MAML2: variants seen among roughly 807,000 people sequenced by gnomAD.
MAML2 encodes the protein mastermind like transcriptional coactivator 2.
MAML2 carries 22 observed loss-of-function variants against 96.1 expected under a neutral mutation model. That is an observed-to-expected ratio of 0.23 (90% CI 0.16 to 0.33). The LOEUF is 0.33. MAML2 is among the 10% of genes least tolerant of loss of function. MAML2 has a pLI of 1.00. For synonymous variants in MAML2, 561 were observed against 521.3 expected (o/e 1.08, Z -1.04); for missense variants, 1,367 against 1,392.4 (o/e 0.98, Z 0.29).
At chr11:96,019,569 C>T (rs1261614301) in intron 2 of MAML2, among the ~76,000 whole-genome samples, 1 of 151,838 alleles carries the variant, frequency 6.6e-6, no homozygotes. Context: ...TGAGATATAA[C>T]TCCTGGCATA....
intron 2 of MAML2, among the ~76,000 whole-genome samples, chr11:96,004,515 T>G (rs564358396): frequency 3.3e-5 from 5 of 152,300 alleles, no homozygotes; most frequent in African/African-American, 1.2e-4. Flanking sequence ...AGACTACTTT[T>G]GGCTGCTTGT....
intron 1 of MAML2, among the ~76,000 whole-genome samples, chr11:96,184,056 C>G (rs900927666): frequency 1.3e-5 from 2 of 152,166 alleles, no homozygotes; most frequent in African/African-American, 4.8e-5. Flanking sequence ...ATTATGCACT[C>G]AGTTCTGTCC....
intron 1 of MAML2, among the ~76,000 whole-genome samples, chr11:96,301,950 C>G (rs1412911165): frequency 6.6e-6 from 1 of 152,188 alleles, no homozygotes; most frequent in African/African-American, 2.4e-5. Flanking sequence ...GCTATTGCGA[C>G]CTTATTCTCT....
intron 1 of MAML2, among the ~76,000 whole-genome samples, chr11:96,191,309 C>A (rs879292970): frequency 5.3e-5 from 8 of 150,604 alleles, no homozygotes; most frequent in Admixed American, 4.0e-4. Context: ...ACTAAAAATA[C>A]AAAAATTAGC....
chr11:96,231,652 A>G (rs1036907421), intron 1 of MAML2, among the ~76,000 whole-genome samples: 1 of 152,192 alleles, frequency 6.6e-6, no homozygotes, highest in Admixed American at 6.5e-5. Context: ...AAACAAATGT[A>G]TGAGTTGGAA....
chr11:96,147,729 A>G (rs1391210644), intron 1 of MAML2, among the ~76,000 whole-genome samples: 1 of 152,252 alleles, frequency 6.6e-6, no homozygotes, highest in Non-Finnish European at 1.5e-5. Context: ...ACTGGTTATA[A>G]GGAAAGGAAA....
At chr11:96,183,045 C>T (rs1184513571) in intron 1 of MAML2, among the ~76,000 whole-genome samples, 2 of 150,748 alleles carry the variant, frequency 1.3e-5, no homozygotes, top group Non-Finnish European at 2.9e-5. Context: ...GCAACCTCTG[C>T]CTCCCAGGTT....
intron 2 of MAML2, among the ~76,000 whole-genome samples, chr11:96,032,404 C>G (rs1390783641): frequency 6.6e-6 from 1 of 152,042 alleles, no homozygotes; most frequent in East Asian, 1.9e-4. Flanking sequence ...GCCTGACCAA[C>G]ATGGTGAAAC....
intron 2 of MAML2, among the ~76,000 whole-genome samples, chr11:96,067,975 T>A (rs1413483108): frequency 6.6e-6 from 1 of 152,166 alleles, no homozygotes; most frequent in Non-Finnish European, 1.5e-5. Flanking sequence ...TAGGGCCAAA[T>A]AAATTGAAAA....
chr11:96,201,918 C>CA (rs200583617), intron 1 of MAML2, among the ~76,000 whole-genome samples: 20,279 of 140,260 alleles, frequency 0.14, 1,536 homozygotes, highest in East Asian at 0.28. Flanking sequence ...GACTCCATCT[C>CA]AAAAAAAAAA....
At chr11:96,252,493 T>C (rs2135967739) in intron 1 of MAML2, among the ~76,000 whole-genome samples, 1 of 149,620 alleles carries the variant, frequency 6.7e-6, no homozygotes, top group African/African-American at 2.5e-5. Context: ...TGGAGCGATC[T>C]CTGCTCACTG....
At chr11:96,126,828 G>C (rs1380109219) in intron 1 of MAML2, among the ~76,000 whole-genome samples, 2 of 152,142 alleles carry the variant, frequency 1.3e-5, no homozygotes, top group African/African-American at 4.8e-5. Flanking sequence ...ACCTTGCTAG[G>C]CCCTTAGGAT....
At chr11:96,068,642 C>A (rs2135785527) in intron 2 of MAML2, among the ~76,000 whole-genome samples, 1 of 152,112 alleles carries the variant, frequency 6.6e-6, no homozygotes, top group South Asian at 2.1e-4. Context: ...TCCTGGCTAA[C>A]ACGGTGAAAC....
At chr11:96,163,540 A>G (rs1322532957) in intron 1 of MAML2, among the ~76,000 whole-genome samples, 1 of 152,246 alleles carries the variant, frequency 6.6e-6, no homozygotes, top group East Asian at 1.9e-4. Flanking sequence ...GTACTTAGAC[A>G]AGGTCACGGC....
intron 2 of MAML2, among the ~76,000 whole-genome samples, chr11:95,994,348 A>G (rs994921195): frequency 3.9e-5 from 6 of 152,178 alleles, no homozygotes; most frequent in African/African-American, 1.4e-4. Flanking sequence ...AGTTCTTTCA[A>G]CTTTAAATCC....
chr11:96,194,614 AC>A lies in MAML2; in HGVS notation c.514-101098del, dbSNP rs570275733. ...ATCTAGAAAATCTACAAGCAAAATA[AC>A]CACATTTTGAAATGTTGCCTTCTTT... On this transcript the variant is annotated intron_variant, in intron 1 of 4. Transcript: ENST00000524717. 1.7e-4 allele frequency among the ~76,000 whole-genome samples: 26 copies of A among 152,336 alleles called. 1 individual carries two copies. In the East Asian group the frequency reaches 5.0e-3, roughly 29 times the overall value.
intron 1 of MAML2, among the ~76,000 whole-genome samples, chr11:96,299,239 A>G (rs1026208251): frequency 8.8e-5 from 9 of 102,794 alleles, no homozygotes; most frequent in African/African-American, 3.2e-4. Flanking sequence ...GACACTAATC[A>G]TAAGTACTAA....
intron 2 of MAML2, among the ~76,000 whole-genome samples, chr11:96,028,811 T>C (rs1858565695): frequency 6.6e-6 from 1 of 152,234 alleles, no homozygotes; most frequent in Admixed American, 6.5e-5. Context: ...CCCTTTACTG[T>C]ATTATTGTAT....
At chr11:96,101,715 G>A (rs1314840875) in intron 1 of MAML2, among the ~76,000 whole-genome samples, 4 of 152,196 alleles carry the variant, frequency 2.6e-5, no homozygotes, top group Admixed American at 1.3e-4. Flanking sequence ...TTCAGTCAGA[G>A]AGATGAACTT....
Sources: allele counts gnomAD v4.1 joint callset (sites outside exome capture counted in the v4.1 genomes callset), GRCh38; gene constraint gnomAD v4.1.1; transcripts MANE v1.5; gene names NCBI Gene and HGNC (gene_info 2026-07-23, HGNC 2026-07-21).